The following GMDS variants were observed in gnomAD, a reference collection of about 807,000 sequenced individuals.
GMDS encodes GDP-mannose 4,6-dehydratase.
In GMDS, 20 loss-of-function variants were observed where a neutral mutation model predicts 49.9. The observed-to-expected ratio is 0.40, with a 90% CI of 0.28 to 0.58. GMDS has a LOEUF of 0.58. Ranked by LOEUF, GMDS falls within the 20% of genes least tolerant of loss-of-function variation. The pLI, the probability that GMDS is intolerant of heterozygous loss-of-function variation, is 0.42. For missense variants in GMDS, 362 were observed against 481.4 expected, an observed-to-expected ratio of 0.75 and a Z score of 2.32; for synonymous variants, 177 against 178.6, an observed-to-expected ratio of 0.99 and a Z score of 0.07.
chr6:1,906,845 C>A (rs1437964826), intron 7 of GMDS, among the ~76,000 whole-genome samples: 1 of 152,180 alleles, frequency 6.6e-6, no homozygotes, highest in Non-Finnish European at 1.5e-5. Flanking sequence ...AAAGCACAGG[C>A]TGCAAGGTCC....
At chr6:1,749,121 A>G (rs893272682) in intron 7 of GMDS, among the ~76,000 whole-genome samples, 1 of 152,172 alleles carries the variant, frequency 6.6e-6, no homozygotes, top group Non-Finnish European at 1.5e-5. Context: ...TTGCCCCAGG[A>G]CGTGGCTGCC....
At chr6:2,002,351 T>A (rs978555178) in intron 4 of GMDS, among the ~76,000 whole-genome samples, 2 of 152,196 alleles carry the variant, frequency 1.3e-5, no homozygotes, top group Admixed American at 6.5e-5. Flanking sequence ...ACTACAGAGA[T>A]AAGGCAGGAT....
chr6:2,065,614 C>T (rs547314134), intron 4 of GMDS, among the ~76,000 whole-genome samples: 144 of 152,012 alleles, frequency 9.5e-4, no homozygotes, highest in Admixed American at 1.6e-3. Context: ...TCGAGAACTA[C>T]GTGAAGAATG....
chr6:1,906,118 T>C (rs1266066494), intron 7 of GMDS, among the ~76,000 whole-genome samples: 4 of 152,236 alleles, frequency 2.6e-5, no homozygotes, highest in African/African-American at 9.6e-5. Flanking sequence ...GTTAGCTTTG[T>C]TGATTAGTCT....
Position 1,624,083 on chromosome 6 carries a change from C to G in GMDS, c.*86G>C, listed in dbSNP as rs1038584007. 8.0e-7 allele frequency: 1 copy of G among 1,253,176 alleles called. No individual in the cohort carries two copies. The highest frequency in any genetic ancestry group is 1.1e-6 in the Non-Finnish European group (1 of 879,284). The allele number at this position is 1,253,176 out of a possible 1,614,324, so 77.6% of individuals were successfully genotyped here. ...GCCGCAGGGGACCCGCAGATTGGCA[C>G]GCCGCTCCCCATCCCCGCAGCGCGT... On this transcript the variant is annotated 3_prime_UTR_variant, in exon 11 of 11. Transcript: ENST00000380815.
intron 7 of GMDS, among the ~76,000 whole-genome samples, chr6:1,824,647 G>A (rs1281235443): frequency 6.6e-6 from 1 of 152,026 alleles, no homozygotes. Flanking sequence ...CCACTAACAT[G>A]AACTACTCAA....
chr6:1,693,360 C>T (rs181048674), intron 9 of GMDS, among the ~76,000 whole-genome samples: 19 of 152,324 alleles, frequency 1.2e-4, no homozygotes, highest in African/African-American at 3.4e-4. Context: ...CTCTGCCCTG[C>T]GTTCTCTTAC....
chr6:2,171,099 T>A (rs956701826), intron 1 of GMDS, among the ~76,000 whole-genome samples: 1 of 152,186 alleles, frequency 6.6e-6, no homozygotes, highest in South Asian at 2.1e-4. Flanking sequence ...AAATTGCAAA[T>A]ACACATTGGT....
intron 4 of GMDS, among the ~76,000 whole-genome samples, chr6:2,040,006 A>G (rs971392806): frequency 2.6e-5 from 4 of 152,238 alleles, no homozygotes; most frequent in African/African-American, 9.6e-5. Flanking sequence ...GTGCTACAAT[A>G]TTACAATGGC....
chr6:2,177,503 G>A (rs1778337126), intron 1 of GMDS, among the ~76,000 whole-genome samples: 2 of 152,150 alleles, frequency 1.3e-5, no homozygotes, highest in Non-Finnish European at 2.9e-5. Flanking sequence ...CCACGATCAA[G>A]TAGGCTTTAT....
At chr6:2,002,008 G>A (rs1226386527) in intron 4 of GMDS, among the ~76,000 whole-genome samples, 1 of 152,028 alleles carries the variant, frequency 6.6e-6, no homozygotes, top group East Asian at 1.9e-4. Flanking sequence ...TCATCAATTT[G>A]CTGGCTGAAT....
At chr6:2,144,835 A>C (rs1159628942) in intron 1 of GMDS, among the ~76,000 whole-genome samples, 4 of 152,258 alleles carry the variant, frequency 2.6e-5, no homozygotes, top group Non-Finnish European at 1.5e-5. Context: ...TGCACAAAGT[A>C]AGGCCAGGTA....
At chr6:1,806,210 G>T (rs903982365) in intron 7 of GMDS, among the ~76,000 whole-genome samples, 3 of 152,184 alleles carry the variant, frequency 2.0e-5, no homozygotes, top group African/African-American at 7.2e-5. Context: ...TACATTGGAG[G>T]AAGGAGTTAG....
intron 7 of GMDS, among the ~76,000 whole-genome samples, chr6:1,821,003 A>G (rs1770863955): frequency 6.6e-6 from 1 of 152,202 alleles, no homozygotes; most frequent in Non-Finnish European, 1.5e-5. Flanking sequence ...AAACACATGT[A>G]TATTTTTAAG....
At chr6:1,654,155 G>C (rs1000557479) in intron 9 of GMDS, among the ~76,000 whole-genome samples, 2 of 152,192 alleles carry the variant, frequency 1.3e-5, no homozygotes, top group African/African-American at 2.4e-5. Flanking sequence ...GTGCTCTGAT[G>C]ATTGGAATGT....
intron 4 of GMDS, among the ~76,000 whole-genome samples, chr6:2,010,960 C>T (rs745538184): frequency 1.3e-5 from 2 of 151,880 alleles, no homozygotes; most frequent in Non-Finnish European, 2.9e-5. Flanking sequence ...ATTACAAAAT[C>T]TAGAGAAATT....
chr6:1,957,528 G>A (rs1763708858), intron 6 of GMDS, among the ~76,000 whole-genome samples: 1 of 152,136 alleles, frequency 6.6e-6, no homozygotes, highest in African/African-American at 2.4e-5. Flanking sequence ...TTAAAAATGT[G>A]GTACCACTGA....
chr6:1,798,094 TC>T (rs1386447192), intron 7 of GMDS, among the ~76,000 whole-genome samples: 1 of 152,234 alleles, frequency 6.6e-6, no homozygotes, highest in Non-Finnish European at 1.5e-5. Flanking sequence ...TTCACATTTT[TC>T]CAGTTTTGGT....
chr6:2,019,574 G>A (rs924203888), intron 4 of GMDS, among the ~76,000 whole-genome samples: 37 of 151,976 alleles, frequency 2.4e-4, no homozygotes, highest in South Asian at 6.2e-4. Context: ...CTCAGCCTCC[G>A]AAGTAGTTGG....
Sources: gnomAD v4.1 joint callset for allele counts (sites outside exome capture counted in the v4.1 genomes callset) on GRCh38, gnomAD v4.1.1 for gene constraint, MANE v1.5 for transcripts, NCBI Gene and HGNC (gene_info 2026-07-23, HGNC 2026-07-21) for gene names.